PKD1L1: variants seen among roughly 807,000 people sequenced by gnomAD.
The protein encoded by PKD1L1 is polycystin-1-like protein 1.
In PKD1L1, 236 loss-of-function variants were observed where a neutral mutation model predicts 323.4. The observed-to-expected ratio is 0.73, with a 90% confidence interval of 0.66 to 0.81. The LOEUF (loss-of-function observed/expected upper bound fraction) is 0.81. PKD1L1 is among the 40% of genes least tolerant of loss of function. PKD1L1 has a pLI of 0.00. For missense variants in PKD1L1, 3,320 were observed against 3,508.0 expected, an observed-to-expected ratio of 0.95 and a Z score of 1.35; for synonymous variants, 1,344 against 1,335.0, an observed-to-expected ratio of 1.01 and a Z score of -0.15.
intron 8 of PKD1L1, among the ~76,000 whole-genome samples, chr7:47,908,900 T>A (rs1313553006): frequency 1.3e-5 from 2 of 152,168 alleles, no homozygotes; most frequent in African/African-American, 2.4e-5. Context: ...GTCATTTCCA[T>A]GTGAATAGCC....
intron 31 of PKD1L1, among the ~76,000 whole-genome samples, chr7:47,850,727 C>A (rs544260995): frequency 1.3e-5 from 2 of 149,948 alleles, no homozygotes; most frequent in East Asian, 2.0e-4. Context: ...ATAGCAAAAA[C>A]CCACAGAGAA....
At chr7:47,815,040 C>T (rs3963292) in intron 47 of PKD1L1, among the ~76,000 whole-genome samples, 1 of 152,134 alleles carries the variant, frequency 6.6e-6, no homozygotes, top group African/African-American at 2.4e-5. Flanking sequence ...CCCCATCAGC[C>T]TGAGGGCTCC....
chr7:47,918,473 A>AAC (rs1491430795), intron 7 of PKD1L1, among the ~76,000 whole-genome samples: 2 of 117,404 alleles, frequency 1.7e-5, no homozygotes, highest in African/African-American at 1.4e-4. Context: ...AGTCAACAAC[A>AAC]AAAAAAAAAA....
chr7:47,898,072 G>A lies in PKD1L1; in HGVS notation c.2187C>T (p.Leu729=). 1 of 1,614,044 alleles carries A rather than the reference G, an allele frequency of 6.2e-7. No individual in the cohort carries two copies. Among genetic ancestry groups the A allele is most frequent in the South Asian group, 1.1e-5 (1 of 91,072 alleles). ...GTCTGTGAGTGTCCACAGCAGCAGG[G>A]AGGGAGACAGGGAGCCCTTCAGAGT... ...LMDSEGLPVS[L]PAAVDTHRQT... The change falls in exon 14 of 57, where the codon CTC becomes CTT. Residue 729 remains leucine, a synonymous_variant. Transcript: ENST00000289672.
intron 45 of PKD1L1, 44 bp from the exon 46 acceptor site, chr7:47,821,230 T>A: frequency 8.3e-7 from 1 of 1,199,510 alleles, no homozygotes; most frequent in South Asian, 1.3e-5. Context: ...AGACCCTGTA[T>A]GTAGGTACCT....
chr7:47,839,757 C>G lies in PKD1L1; in HGVS notation c.5553-95G>C, dbSNP rs1583611411. On this transcript the variant is annotated intron_variant, in intron 35 of 56. Coordinates refer to ENST00000289672, the MANE Select transcript of PKD1L1 (RefSeq NM_138295.5). This position sits in a 1 kb window ranked among gnomAD's most constrained non-coding sequence, Gnocchi z 4.3. ...ATGCTCACCCTCAAGGCACTGATGG[C>G]CCACAGAGGGTGGATGGGACATGTC... 1.7e-6 allele frequency: 2 copies of G among 1,208,356 alleles called. No homozygotes were observed. The highest frequency in any genetic ancestry group is 2.3e-6 in the Non-Finnish European group (2 of 854,542). 74.9% of individuals were successfully genotyped at this position (1,208,356 alleles called of 1,614,324 possible).
At chr7:47,957,611 C>T in the PKD1L1 span, among the ~76,000 whole-genome samples, 2 of 151,986 alleles carry the variant, frequency 1.3e-5, no homozygotes, top group Non-Finnish European at 1.5e-5. Context: ...TGGGCTCAAC[C>T]AATCCTCCCA....
At chr7:47,941,248 T>C (rs534438763) in intron 2 of PKD1L1, among the ~76,000 whole-genome samples, 1 of 152,326 alleles carries the variant, frequency 6.6e-6, no homozygotes, top group African/African-American at 2.4e-5. Flanking sequence ...TGTTTCTGCC[T>C]GGGCTCTCTT....
Position 47,792,750 on chromosome 7 carries a change from CA to C in PKD1L1, c.8402del (p.Met2801ArgfsTer32). 1 of 1,614,016 alleles carries C rather than the reference CA, an allele frequency of 6.2e-7. No homozygotes were observed. The highest frequency in any genetic ancestry group is 1.3e-5 in the African/African-American group (1 of 75,032). On this transcript the variant is annotated frameshift_variant, in exon 56 of 57. Transcript: ENST00000289672. LOFTEE classifies it high-confidence loss of function. Reference protein sequence around the residue: ...EFANLLDELLMKINGLSDSLQ... With the variant: ...EFANLLDELLXKINGLSDSLQ... ...GGCTGTCGGACAAACCATTAATCTT[CA>C]TCAGAAGTTCGTCTAACAGATTTGC...
Position 47,929,300 on chromosome 7 carries a change from G to C in PKD1L1, c.964C>G (p.Leu322Val), listed in dbSNP as rs1036560489. ...GAACTGTCCCCGAAATCCATCATCAGACAGAGAGCCTCTCCAGAAGCCATA... is the reference window on the plus strand; with the variant it reads ...GAACTGTCCCCGAAATCCATCATCACACAGAGAGCCTCTCCAGAAGCCATA... ...VHMASGEALC[L>V]MMDFGDSSGV... The change falls in exon 7 of 57, where the codon CTG becomes GTG. Residue 322 changes from leucine to valine, a missense_variant. Transcript: ENST00000289672. The C allele has an allele frequency of 3.1e-6, 5 of 1,614,060 alleles. No homozygotes were observed. The African/African-American group carries it at 6.7e-5, about 22-fold the overall frequency.
chr7:47,907,136 T>G (rs1430501574), intron 9 of PKD1L1, among the ~76,000 whole-genome samples: 2 of 151,964 alleles, frequency 1.3e-5, no homozygotes, highest in African/African-American at 4.9e-5. Context: ...AAAAAAATCC[T>G]TCCATATGTA....
At chr7:47,810,044 C>T (rs937637563) in intron 50 of PKD1L1, among the ~76,000 whole-genome samples, 1 of 152,214 alleles carries the variant, frequency 6.6e-6, no homozygotes, top group African/African-American at 2.4e-5. Context: ...TTAAAGTTCT[C>T]TATGTGATTC....
At chr7:47,812,912 T>C (rs183160006) in intron 49 of PKD1L1, among the ~76,000 whole-genome samples, 1 of 152,376 alleles carries the variant, frequency 6.6e-6, no homozygotes, top group African/African-American at 2.4e-5. Flanking sequence ...GTTTGCTCTG[T>C]GCTCTCCCAC....
chr7:47,843,350 C>T (rs1325558019), intron 33 of PKD1L1, among the ~76,000 whole-genome samples, 181 bp from the exon 34 acceptor site: 1 of 152,098 alleles, frequency 6.6e-6, no homozygotes, highest in Non-Finnish European at 1.5e-5. Flanking sequence ...GGCCTGTGGT[C>T]CAGTGAGCAG....
At chr7:47,898,423 A>G (rs1339887239) in intron 13 of PKD1L1, among the ~76,000 whole-genome samples, 1 of 152,170 alleles carries the variant, frequency 6.6e-6, no homozygotes, top group African/African-American at 2.4e-5. Flanking sequence ...ATAAGTAAAT[A>G]TTTATATACT....
intron 8 of PKD1L1, among the ~76,000 whole-genome samples, chr7:47,910,626 A>C (rs146767983): frequency 0.016 from 2,337 of 143,604 alleles, 57 homozygotes; most frequent in African/African-American, 0.057. Context: ...GCGTGAGCCA[A>C]CGCGCCCGGC....
At position 47,946,392 on chromosome 7, in the gene PKD1L1, C is replaced by T. The variant is rs1281747066; in HGVS notation, c.44+2005G>A. 1.4e-5 allele frequency among the ~76,000 whole-genome samples: 2 copies of T among 147,144 alleles called. No individual in the cohort carries two copies. The highest frequency in any genetic ancestry group is 5.1e-5 in the African/African-American group (2 of 39,096). On this transcript the variant is annotated intron_variant, in intron 1 of 56. Transcript: ENST00000289672. This position sits in a 1 kb window ranked among gnomAD's most constrained non-coding sequence, Gnocchi z 4.1. ...ACACACTCACACCACACCACACTCA[C>T]ACCACACAAACACACCACACAGCAT...
upstream of PKD1L1, among the ~76,000 whole-genome samples, chr7:47,951,117 T>C (rs1305022666): frequency 6.6e-6 from 1 of 152,192 alleles, no homozygotes; most frequent in Non-Finnish European, 1.5e-5. Flanking sequence ...AGTAAAAATA[T>C]TCTGAATAAA....
rs958234365 is a variant in PKD1L1 at position 47,803,106 on chromosome 7, T to C, written c.7962+104A>G. The stretch of plus-strand genomic sequence containing the variant: ...ATTAGAAGACTGGAATTCTAGACGG[T>C]GTTTAACCTTGAGAGCAGTTTGTTT... On this transcript the variant is annotated intron_variant, in intron 53 of 56. Coordinates refer to ENST00000289672, the MANE Select transcript of PKD1L1 (RefSeq NM_138295.5). The C allele has an allele frequency of 7.9e-6, 11 of 1,392,226 alleles. No individual in the cohort carries two copies. In the African/African-American group the frequency reaches 1.3e-4, roughly 16 times the overall value. 86.2% of individuals were successfully genotyped at this position (1,392,226 alleles called of 1,614,324 possible).
Sources: allele counts gnomAD v4.1 joint callset (sites outside exome capture counted in the v4.1 genomes callset), GRCh38; gene constraint gnomAD v4.1.1; non-coding constraint Gnocchi (gnomAD v3.1); transcripts MANE v1.5; gene names NCBI Gene and HGNC (gene_info 2026-07-23, HGNC 2026-07-21).